CUBN: variants seen among roughly 807,000 people sequenced by gnomAD.
CUBN encodes 460 kDa receptor.
In CUBN, 282 loss-of-function variants were observed where a neutral mutation model predicts 405.3. That is an observed-to-expected ratio of 0.70 (90% confidence interval 0.63 to 0.77). The LOEUF is 0.77. Among genes scored for constraint, CUBN ranks in the 30% least tolerant of loss-of-function variants. The pLI, the probability that CUBN is intolerant of heterozygous loss-of-function variation, is 0.00. For missense variants in CUBN, 4,514 were observed against 4,475.2 expected, an observed-to-expected ratio of 1.01 and a Z score of -0.25; for synonymous variants, 1,684 against 1,617.0, an observed-to-expected ratio of 1.04 and a Z score of -0.99.
chr10:16,831,432 C>T lies in CUBN; in HGVS notation c.10363-15G>A, dbSNP rs1184772561. On this transcript the variant is annotated splice_polypyrimidine_tract_variant and intron_variant, in intron 64 of 66. Transcript: ENST00000377833. The stretch of plus-strand genomic sequence containing the variant: ...CCATTTCTCACCTTTAGGAAGGAGT[C>T]ATTCATTATTAAACTTACACTTTCT... The T allele has an allele frequency of 1.2e-6, 2 of 1,606,632 alleles. No homozygotes were observed. Among genetic ancestry groups the T allele is most frequent in the Non-Finnish European group, 1.7e-6 (2 of 1,173,216 alleles).
rs1354417688 is a variant in CUBN, at chr10:16,914,893, CTG to C, written c.7351+137_7351+138del. ...CACAGCTGTAATTTTTCATTTATCA[CTG>C]TGAATTTCTGATTAAGGTCCAAGAA... On this transcript the variant is annotated intron_variant, in intron 47 of 66. Coordinates refer to ENST00000377833, the MANE Select transcript of CUBN (RefSeq NM_001081.4). 4 of 750,788 alleles carry C rather than the reference CTG, an allele frequency of 5.3e-6. No individual in the cohort carries two copies. In the South Asian group the frequency reaches 6.1e-5, roughly 11 times the overall value. The allele number at this position is 750,788 out of a possible 1,614,324, so 46.5% of individuals were successfully genotyped here.
intron 43 of CUBN, 73 bp downstream of exon 43, chr10:16,925,163 CAGAAA>C: frequency 8.0e-7 from 1 of 1,255,066 alleles, no homozygotes; most frequent in Non-Finnish European, 1.2e-6. Flanking sequence ...ACTGTTGGTT[CAGAAA>C]AGAAAATTTT....
At chr10:16,872,349 C>T (rs1418563) in intron 58 of CUBN, among the ~76,000 whole-genome samples, 3 of 148,988 alleles carry the variant, frequency 2.0e-5, no homozygotes, top group Admixed American at 6.7e-5. Flanking sequence ...TGTATACATA[C>T]ATATATATAT....
chr10:16,888,468 C>T lies in CUBN; in HGVS notation c.8854G>A (p.Ala2952Thr), dbSNP rs758982582. ...NNMNCTYVIE[A>T]NPLSVVLLTF... ...AAGAGGACCACTGACAGAGGATTAGCCTCTATGACATAGGTGCAATTCATG... is the reference window on the plus strand; with the variant it reads ...AAGAGGACCACTGACAGAGGATTAGTCTCTATGACATAGGTGCAATTCATG... Residue 2952 changes from alanine to threonine, a missense_variant, in exon 56 of 67, where the codon GCT (alanine) becomes ACT (threonine). By Grantham distance (58) the Ala-to-Thr change is moderately conservative. Transcript: ENST00000377833. 1.2e-6 allele frequency: 2 copies of T among 1,612,992 alleles called. No homozygotes were observed. The highest frequency in any genetic ancestry group is 1.7e-6 in the Non-Finnish European group (2 of 1,179,170).
At chr10:17,126,708 A>C in intron 4 of CUBN, 53 bp downstream of exon 4, 1 of 1,564,194 alleles carries the variant, frequency 6.4e-7, no homozygotes, top group South Asian at 1.1e-5. Context: ...TCTATTAATG[A>C]TTCTAGTATG....
intron 22 of CUBN, among the ~76,000 whole-genome samples, chr10:17,056,256 C>T (rs1835393180): frequency 6.6e-6 from 1 of 151,980 alleles, no homozygotes. Flanking sequence ...ATAACTCACA[C>T]CATATAGAAA....
chr10:16,931,072 C>T (rs925489983), intron 40 of CUBN, among the ~76,000 whole-genome samples: 4 of 150,274 alleles, frequency 2.7e-5, no homozygotes, highest in Non-Finnish European at 1.5e-5. Flanking sequence ...CTGGTTAACA[C>T]AGTGAAACCC....
chr10:17,093,578 C>T (rs1836310852), intron 14 of CUBN, among the ~76,000 whole-genome samples: 1 of 152,006 alleles, frequency 6.6e-6, no homozygotes, highest in Non-Finnish European at 1.5e-5. Context: ...AAAAACCCAA[C>T]CCTTCTGAGA....
intron 28 of CUBN, among the ~76,000 whole-genome samples, chr10:17,010,484 A>G (rs1834150785): frequency 6.6e-6 from 1 of 151,824 alleles, no homozygotes; most frequent in African/African-American, 2.4e-5. Context: ...CTACTAAAAA[A>G]AAAAAAATGC....
intron 36 of CUBN, among the ~76,000 whole-genome samples, chr10:16,946,907 A>G (rs1842801182): frequency 6.6e-6 from 1 of 152,088 alleles, no homozygotes; most frequent in African/African-American, 2.4e-5. Context: ...AATAAACAAT[A>G]CTAGTGATTC....
intron 4 of CUBN, among the ~76,000 whole-genome samples, chr10:17,124,903 C>T (rs1202504214): frequency 6.6e-6 from 1 of 151,818 alleles, no homozygotes; most frequent in Non-Finnish European, 1.5e-5. Flanking sequence ...ATGATCTCAG[C>T]TCACTGCAAC....
intron 31 of CUBN, among the ~76,000 whole-genome samples, chr10:16,965,388 G>A (rs1843360227): frequency 6.6e-6 from 1 of 152,130 alleles, no homozygotes; most frequent in Non-Finnish European, 1.5e-5. Flanking sequence ...AAGCACTAAA[G>A]ACCACGTGAT....
At chr10:16,895,316 G>A (rs1372940443) in intron 54 of CUBN, among the ~76,000 whole-genome samples, 1 of 151,238 alleles carries the variant, frequency 6.6e-6, no homozygotes, top group African/African-American at 2.4e-5. Context: ...GCTGTGTGGT[G>A]TATTTTACAT....
chr10:17,040,196 G>A (rs182272674), intron 27 of CUBN, among the ~76,000 whole-genome samples: 15 of 152,150 alleles, frequency 9.9e-5, no homozygotes, highest in African/African-American at 3.4e-4. Context: ...AGGTAGGAGG[G>A]CAGGTGGGAA....
chr10:16,955,379 A>C (rs1160881973), intron 31 of CUBN, among the ~76,000 whole-genome samples: 664 of 63,922 alleles, frequency 0.01, 4 homozygotes, highest in African/African-American at 0.058. Flanking sequence ...TGTCTCAAAA[A>C]AAAAAAAAAA....
chr10:16,932,097 A>G (rs1842378936), intron 40 of CUBN, among the ~76,000 whole-genome samples: 1 of 151,968 alleles, frequency 6.6e-6, no homozygotes, highest in African/African-American at 2.4e-5. Context: ...AAAAAGGGGG[A>G]GTGTCATGCT....
chr10:17,126,661 T>A, intron 4 of CUBN, 100 bp downstream of exon 4: 1 of 1,305,146 alleles, frequency 7.7e-7, no homozygotes, highest in Non-Finnish European at 1.1e-6. Flanking sequence ...GTTTTTAATA[T>A]TAATCATCCA....
chr10:17,087,466 C>CATTTTTTTT (rs1836139757), intron 15 of CUBN, among the ~76,000 whole-genome samples: 1 of 79,772 alleles, frequency 1.3e-5, no homozygotes, highest in Non-Finnish European at 2.3e-5. Context: ...TATTATTTTT[C>CATTTTTTTT]TTTTTCTTTT....
chr10:16,826,987 T>C (rs1302192805), intron 66 of CUBN, among the ~76,000 whole-genome samples: 1 of 152,182 alleles, frequency 6.6e-6, no homozygotes, highest in African/African-American at 2.4e-5. Context: ...CTGATTAGCT[T>C]CTAAATCTGA....
Sources: allele counts gnomAD v4.1 joint callset (sites outside exome capture counted in the v4.1 genomes callset), GRCh38; gene constraint gnomAD v4.1.1; transcripts MANE v1.5; gene names NCBI Gene and HGNC (gene_info 2026-07-23, HGNC 2026-07-21).